SNX27: variants seen among roughly 807,000 people sequenced by gnomAD.
The protein encoded by SNX27 is sorting nexin 27, also known as sorting nexin-27.
SNX27 carries 22 observed loss-of-function variants against 71.6 expected under a neutral mutation model. That is an observed-to-expected ratio of 0.31 (90% CI 0.22 to 0.44). The LOEUF (loss-of-function observed/expected upper bound fraction) is 0.44. SNX27 is among the 20% of genes least tolerant of loss of function. The pLI, the probability that SNX27 is intolerant of heterozygous loss-of-function variation, is 1.00. For synonymous variants in SNX27, 269 were observed against 277.2 expected (o/e 0.97, Z 0.29); for missense variants, 531 against 698.6 (o/e 0.76, Z 2.70).
chr1:151,617,889 T>G (rs963534885), intron 1 of SNX27, among the ~76,000 whole-genome samples: 1,868 of 150,802 alleles, frequency 0.012, 45 homozygotes, highest in African/African-American at 0.044. Flanking sequence ...TTTTTTTTTT[T>G]TTTTTTTTTT....
chr1:151,627,720 G>A (rs190772898), intron 1 of SNX27, among the ~76,000 whole-genome samples: 9 of 149,608 alleles, frequency 6.0e-5, no homozygotes, highest in Non-Finnish European at 3.0e-5. Flanking sequence ...AAGCCACTGC[G>A]CCTGGCCAAG....
At chr1:151,613,827 C>T in intron 1 of SNX27, 1 of 152,226 alleles carries the variant, frequency 6.6e-6, no homozygotes, top group South Asian at 2.1e-4. Flanking sequence ...CCGTTCTCCT[C>T]AGCAGTCTTC....
At chr1:151,631,750 A>G (rs377096113) in intron 1 of SNX27, among the ~76,000 whole-genome samples, 1 of 152,092 alleles carries the variant, frequency 6.6e-6, no homozygotes, top group Non-Finnish European at 1.5e-5. Context: ...CGGTGGCGCA[A>G]TCTCAGCTCA....
intron 2 of SNX27, among the ~76,000 whole-genome samples, chr1:151,644,948 C>T (rs763211315): frequency 5.3e-5 from 8 of 152,052 alleles, no homozygotes; most frequent in East Asian, 1.9e-4. Flanking sequence ...TACAGGCATG[C>T]GCTACCACAC....
chr1:151,692,559 C>G lies in SNX27; in HGVS notation c.1364C>G (p.Ala455Gly). The change falls in exon 9 of 12, where the codon GCC becomes GGC. Residue 455 changes from alanine (A) to glycine (G), a missense_variant. This residue lies in a region of SNX27 where 157 missense variants were observed against 178.4 expected (regional missense o/e 0.88). Coordinates refer to ENST00000458013, the MANE Select transcript of SNX27 (RefSeq NM_001330723.2). ...AISITHFKLH[A>G]CTEEGQLENQ... Reference sequence around the variant, plus strand: ...AGCATCACGCACTTTAAACTGCATGCCTGCACTGAAGAAGGACAGCTGGAG... The same window carrying G: ...AGCATCACGCACTTTAAACTGCATGGCTGCACTGAAGAAGGACAGCTGGAG... 6.2e-7 allele frequency: 1 copy of G among 1,613,464 alleles called. No homozygotes were observed. The highest frequency in any genetic ancestry group is 8.5e-7 in the Non-Finnish European group (1 of 1,179,830).
chr1:151,622,072 T>C (rs576661998), intron 1 of SNX27, among the ~76,000 whole-genome samples: 1 of 152,362 alleles, frequency 6.6e-6, no homozygotes, highest in African/African-American at 2.4e-5. Context: ...TTTCTTCTCT[T>C]TCAATATGTT....
rs146649270 is a variant in SNX27, at chr1:151,613,632, C to T, written c.311+1120C>T. ...TCTCTCCCCTGCTGCAGTCCCTCCCCCTTCATACGCCTCCCCCACCACATC... is the reference window on the plus strand; with the variant it reads ...TCTCTCCCCTGCTGCAGTCCCTCCCTCTTCATACGCCTCCCCCACCACATC... On this transcript the variant is annotated intron_variant, in intron 1 of 11. Coordinates refer to ENST00000458013, the MANE Select transcript of SNX27 (RefSeq NM_001330723.2). Among the ~76,000 whole-genome samples the T allele has an allele frequency of 1.3e-3, 194 of 152,174 alleles. 1 individual carries two copies. Among genetic ancestry groups the T allele is most frequent in the Middle Eastern group, 0.01 (3 of 294 alleles).
At chr1:151,639,381 C>T (rs757889340) in intron 2 of SNX27, among the ~76,000 whole-genome samples, 8 of 152,068 alleles carry the variant, frequency 5.3e-5, no homozygotes, top group Non-Finnish European at 7.4e-5. Context: ...TCTGGTTTGT[C>T]GTAAACGTGT....
rs552574210 is a variant in SNX27 at position 151,623,292 on chromosome 1, C to T, written c.311+10780C>T. 5.9e-4 allele frequency among the ~76,000 whole-genome samples: 90 copies of T among 152,304 alleles called. 1 individual carries two copies. In the South Asian group the frequency reaches 0.018, roughly 30 times the overall value. ...AGTAGCTGGGACTACAGGTGCGGGC[C>T]ACCATACTTGGCTAATTTTTTGTAT... On this transcript the variant is annotated intron_variant, in intron 1 of 11. Coordinates refer to ENST00000458013, the MANE Select transcript of SNX27 (RefSeq NM_001330723.2).
chr1:151,698,567 G>A lies in SNX27; in HGVS notation c.*4150G>A, dbSNP rs1571892894. On this transcript the variant is annotated 3_prime_UTR_variant, in exon 12 of 12. Coordinates refer to ENST00000458013, the MANE Select transcript of SNX27 (RefSeq NM_001330723.2). ...GAGGGAGAAGAGAGATAGTGGGTAT[G>A]CTTCTCTAGCTCCCCATCTTCCAGG... 1 of 152,418 alleles carries A rather than the reference G, an allele frequency of 6.6e-6. No individual in the cohort carries two copies. Among genetic ancestry groups the A allele is most frequent in the East Asian group, 1.9e-4 (1 of 5,186 alleles). The allele number at this position is 152,418 out of a possible 1,614,324, so 9.4% of individuals were successfully genotyped here. A position where few individuals can be genotyped will look rare whatever the true frequency, so the allele number is the denominator to read the frequency against.
intron 6 of SNX27, chr1:151,666,282 A>T (rs1246847116): frequency 2.1e-5 from 6 of 280,102 alleles, no homozygotes; most frequent in Admixed American, 5.2e-5. Context: ...AAATTCATAT[A>T]TTCCAATAAA....
At chr1:151,691,546 C>T (rs1671451115) in intron 8 of SNX27, among the ~76,000 whole-genome samples, 1 of 148,468 alleles carries the variant, frequency 6.7e-6, no homozygotes, top group Admixed American at 6.7e-5. Context: ...TCTCAGCTCA[C>T]TGCAACCTCT....
chr1:151,664,357 A>G lies in SNX27; in HGVS notation c.907-1576A>G, dbSNP rs551122531. ...ATCTTTGGCCAATGAATGCTCCTTC[A>G]TGTCTGCTCCTGTATGCTTTTGATG... On this transcript the variant is annotated intron_variant, in intron 5 of 11. Transcript: ENST00000458013. 1.4e-3 allele frequency among the ~76,000 whole-genome samples: 215 copies of G among 151,880 alleles called. 1 individual carries two copies. The highest frequency in any genetic ancestry group is 4.7e-4 in the Non-Finnish European group (32 of 67,946).
intron 1 of SNX27, among the ~76,000 whole-genome samples, chr1:151,615,261 C>G (rs1377245607): frequency 2.6e-5 from 4 of 152,154 alleles, no homozygotes; most frequent in African/African-American, 9.7e-5. Flanking sequence ...TCTGAACCTT[C>G]TTTGGTACTA....
rs573289913 is a variant in SNX27, at chr1:151,618,564, A to G, written c.311+6052A>G. ...AAGAACAGTTCTTTTTCCATCCACC[A>G]CTGACCAGTTTTTTTCAGATGAGGG... On this transcript the variant is annotated intron_variant, in intron 1 of 11. Coordinates refer to ENST00000458013, the MANE Select transcript of SNX27 (RefSeq NM_001330723.2). 1.5e-4 allele frequency among the ~76,000 whole-genome samples: 23 copies of G among 152,278 alleles called. No individual in the cohort carries two copies. The East Asian group carries it at 4.1e-3, about 27-fold the overall frequency.
At position 151,649,370 on chromosome 1, in the gene SNX27, G is replaced by A. The variant is rs183149222; in HGVS notation, c.544-8865G>A. 3.9e-4 allele frequency among the ~76,000 whole-genome samples: 60 copies of A among 152,076 alleles called. 1 individual carries two copies. The highest frequency in any genetic ancestry group is 3.9e-3 in the Admixed American group (59 of 15,258). On this transcript the variant is annotated intron_variant, in intron 2 of 11. Coordinates refer to ENST00000458013, the MANE Select transcript of SNX27 (RefSeq NM_001330723.2). ...GGCTGAGGCAGCAAGATTGCTTGAG[G>A]CCAGGAGCTTGAGATCACCCTGGGC...
At chr1:151,683,586 G>T (rs1256627562) in intron 8 of SNX27, 141 bp downstream of exon 8, 1 of 499,434 alleles carries the variant, frequency 2.0e-6, no homozygotes. Context: ...GGACCTTGAT[G>T]CAAAGTCCAT....
At chr1:151,625,524 A>G (rs1474079557) in intron 1 of SNX27, among the ~76,000 whole-genome samples, 2 of 151,336 alleles carry the variant, frequency 1.3e-5, no homozygotes, top group Non-Finnish European at 2.9e-5. Flanking sequence ...AAAAAGATAA[A>G]TAAAAAAATA....
intron 8 of SNX27, among the ~76,000 whole-genome samples, chr1:151,691,956 T>C (rs1212292735): frequency 6.6e-6 from 1 of 152,050 alleles, no homozygotes; most frequent in African/African-American, 2.4e-5. Context: ...CCCTTGCACT[T>C]TCGGTGGCTG....
Sources: gnomAD v4.1 joint callset for allele counts (sites outside exome capture counted in the v4.1 genomes callset) on GRCh38, gnomAD v4.1.1 for gene constraint, gnomAD v4.1.1 regional missense constraint, MANE v1.5 for transcripts, NCBI Gene and HGNC (gene_info 2026-07-23, HGNC 2026-07-21) for gene names.